The following LARP1B variants were observed in gnomAD, a reference collection of about 807,000 sequenced individuals.
The protein encoded by LARP1B is La ribonucleoprotein 1B, also known as la-related protein 1B.
A neutral mutation model predicts 114.2 loss-of-function variants in LARP1B; 76 were observed. That is an observed-to-expected ratio of 0.67 (90% CI 0.55 to 0.81). LARP1B has a LOEUF of 0.81. LARP1B is among the 30% of genes least tolerant of loss of function. The pLI is 0.00. For synonymous variants in LARP1B, 345 were observed against 348.0 expected (o/e 0.99, Z 0.10); for missense variants, 1,014 against 1,075.8 (o/e 0.94, Z 0.80).
chr4:128,088,961 TA>T (rs899312264), intron 5 of LARP1B, among the ~76,000 whole-genome samples: 3 of 151,828 alleles, frequency 2.0e-5, no homozygotes, highest in African/African-American at 7.3e-5. Context: ...TCATCTCTGT[TA>T]AAAAAAAGGA....
At chr4:128,062,349 G>T (rs1378344957) in intron 1 of LARP1B, 1 of 870,890 alleles carries the variant, frequency 1.1e-6, no homozygotes, top group African/African-American at 1.8e-5. Flanking sequence ...CTGTCAGTCG[G>T]AGGTAATTTG....
At chr4:128,190,824 T>A (rs963570265) in intron 15 of LARP1B, among the ~76,000 whole-genome samples, 1 of 152,244 alleles carries the variant, frequency 6.6e-6, no homozygotes, top group African/African-American at 2.4e-5. Context: ...TGGTAATTTC[T>A]GACCTTCTGT....
intron 8 of LARP1B, among the ~76,000 whole-genome samples, chr4:128,098,703 CT>C (rs1359340614): frequency 8.0e-6 from 1 of 124,290 alleles, no homozygotes; most frequent in African/African-American, 3.0e-5. Context: ...ACACAAATTT[CT>C]TCAGGTTACT....
chr4:128,212,904 ATC>A (rs1307711831), downstream of LARP1B, among the ~76,000 whole-genome samples: 1 of 138,272 alleles, frequency 7.2e-6, no homozygotes, highest in Non-Finnish European at 1.5e-5. Context: ...AATCATTTAA[ATC>A]TCTCTCTTTT....
intron 1 of LARP1B, chr4:128,069,618 C>T: frequency 1.5e-6 from 1 of 663,298 alleles, no homozygotes; most frequent in South Asian, 1.7e-5. Flanking sequence ...CCCATCTTGG[C>T]TTACCTGATG....
intron 11 of LARP1B, chr4:128,122,575 C>A: frequency 6.6e-7 from 1 of 1,506,740 alleles, no homozygotes; most frequent in South Asian, 1.3e-5. Context: ...TTACCTGGCT[C>A]TCACCGCAGC....
At position 128,205,876 on chromosome 4, in the gene LARP1B, G is replaced by T. The variant is rs566074555; in HGVS notation, c.2310-552G>T. Among the ~76,000 whole-genome samples the T allele has an allele frequency of 7.9e-5, 12 of 152,330 alleles. No homozygotes were observed. The South Asian group carries it at 2.5e-3, about 32-fold the overall frequency. On this transcript the variant is annotated intron_variant, in intron 17 of 19. Transcript: ENST00000326639. ...TGTGTGCATCTAAAGAGGTCATACT[G>T]AACTGTCCAAGGGCTGCCTTTCATG...
chr4:128,190,321 C>G (rs1751821346), intron 15 of LARP1B, among the ~76,000 whole-genome samples: 1 of 152,096 alleles, frequency 6.6e-6, no homozygotes, highest in African/African-American at 2.4e-5. Flanking sequence ...AATCAGAGCT[C>G]TTTTATATGT....
intron 11 of LARP1B, among the ~76,000 whole-genome samples, chr4:128,149,476 G>C (rs1731726308): frequency 2.6e-5 from 4 of 152,238 alleles, no homozygotes; most frequent in Admixed American, 1.3e-4. Context: ...CTGAACAAAA[G>C]GAATATCGTT....
chr4:128,214,734 G>A (rs1320545799), downstream of LARP1B, among the ~76,000 whole-genome samples: 270 of 52,626 alleles, frequency 5.1e-3, 7 homozygotes, highest in African/African-American at 0.019. Flanking sequence ...AACGCAGAGC[G>A]CCTCTCCTCC....
chr4:128,176,451 G>T (rs916840455), intron 12 of LARP1B, among the ~76,000 whole-genome samples: 1 of 151,066 alleles, frequency 6.6e-6, no homozygotes. Flanking sequence ...CTGCTACCAC[G>T]CCTGGCTAAT....
intron 10 of LARP1B, among the ~76,000 whole-genome samples, chr4:128,119,451 G>T (rs1267266706): frequency 1.3e-5 from 2 of 152,146 alleles, no homozygotes; most frequent in Non-Finnish European, 2.9e-5. Context: ...GCCCTCTCTT[G>T]TCAAATCTTA....
chr4:128,168,030 A>G (rs2150515650), intron 12 of LARP1B, among the ~76,000 whole-genome samples: 1 of 152,200 alleles, frequency 6.6e-6, no homozygotes. Flanking sequence ...AGTTGAAGGC[A>G]TATAGGTTGT....
At chr4:128,116,342 A>C (rs778364225) in intron 10 of LARP1B, among the ~76,000 whole-genome samples, 8 of 152,228 alleles carry the variant, frequency 5.3e-5, no homozygotes, top group Non-Finnish European at 7.3e-5. Context: ...AGATGTTAAC[A>C]TTGGGGGAAA....
At chr4:128,076,296 C>T (rs886298350) in intron 3 of LARP1B, among the ~76,000 whole-genome samples, 2 of 152,176 alleles carry the variant, frequency 1.3e-5, no homozygotes, top group East Asian at 1.9e-4. Flanking sequence ...TGAGCCACTG[C>T]GCCCAGCCTC....
chr4:128,209,166 C>G (rs945475076), intron 19 of LARP1B, among the ~76,000 whole-genome samples: 1 of 152,268 alleles, frequency 6.6e-6, no homozygotes, highest in African/African-American at 2.4e-5. Context: ...TGCCTGTAAT[C>G]TCAGCACTTT....
At chr4:128,065,538 C>T (rs1762480975) in intron 1 of LARP1B, among the ~76,000 whole-genome samples, 1 of 151,740 alleles carries the variant, frequency 6.6e-6, no homozygotes. Context: ...AGTAAAGAAA[C>T]AGGACCACAG....
intron 11 of LARP1B, among the ~76,000 whole-genome samples, chr4:128,161,886 T>C (rs1738678926): frequency 6.6e-6 from 1 of 152,174 alleles, no homozygotes; most frequent in Non-Finnish European, 1.5e-5. Context: ...TTAGATTACT[T>C]TGTAACGTCT....
chr4:128,149,038 T>C (rs1237565385), intron 11 of LARP1B, among the ~76,000 whole-genome samples: 1 of 152,250 alleles, frequency 6.6e-6, no homozygotes, highest in African/African-American at 2.4e-5. Flanking sequence ...TTGGGCACTT[T>C]TCAGTGGTCA....
Sources: allele counts gnomAD v4.1 joint callset (sites outside exome capture counted in the v4.1 genomes callset), GRCh38; gene constraint gnomAD v4.1.1; transcripts MANE v1.5; gene names NCBI Gene and HGNC (gene_info 2026-07-23, HGNC 2026-07-21).